FGF13: variants seen among roughly 807,000 people sequenced by gnomAD.
FGF13 encodes fibroblast growth factor 13.
Under a neutral mutation model 19.5 loss-of-function variants are expected in FGF13, and 2 were observed. That is an observed-to-expected ratio of 0.10 (90% CI 0.04 to 0.32). The LOEUF is 0.32. Among genes scored for constraint, FGF13 ranks in the 10% least tolerant of loss-of-function variants. FGF13 has a pLI of 1.00. For synonymous variants in FGF13, 72 were observed against 76.9 expected, an observed-to-expected ratio of 0.94 and a Z score of 0.33; for missense variants, 113 against 192.7, an observed-to-expected ratio of 0.59 and a Z score of 2.45.
intron 1 of FGF13, among the ~76,000 whole-genome samples, chrX:138,728,205 C>T (rs750835129): frequency 4.5e-5 from 5 of 111,224 alleles, no homozygotes; most frequent in Admixed American, 9.5e-5. Context: ...GTTTTGGCTC[C>T]GTGGGTTATA....
At chrX:139,051,814 G>T (rs1262220411) in intron 1 of FGF13, among the ~76,000 whole-genome samples, 3 of 112,051 alleles carry the variant, frequency 2.7e-5, no homozygotes, top group Non-Finnish European at 5.6e-5. Flanking sequence ...AGAGTTCAAG[G>T]TTAAGCATTA....
intron 1 of FGF13, among the ~76,000 whole-genome samples, chrX:139,187,489 CTCTT>C (rs1418493767): frequency 8.9e-6 from 1 of 111,993 alleles, no homozygotes; most frequent in Non-Finnish European, 1.9e-5. Context: ...GAAGTTATCC[CTCTT>C]TCTTGTTACT....
chrX:138,932,351 C>T (rs1287328041), intron 1 of FGF13, among the ~76,000 whole-genome samples: 3 of 111,356 alleles, frequency 2.7e-5, no homozygotes, highest in African/African-American at 9.8e-5. Flanking sequence ...GAGGCCGAGG[C>T]GGGTGGATCA....
chrX:138,732,439 T>C (rs2090239511), intron 1 of FGF13, among the ~76,000 whole-genome samples: 1 of 111,325 alleles, frequency 9.0e-6, no homozygotes, highest in Non-Finnish European at 1.9e-5. Flanking sequence ...CACAGAAAAA[T>C]AGGTGAATTT....
intron 1 of FGF13, among the ~76,000 whole-genome samples, chrX:139,113,722 G>C (rs1255623411): frequency 8.9e-6 from 1 of 111,898 alleles, no homozygotes; most frequent in African/African-American, 3.2e-5. Flanking sequence ...TGTTGAATAA[G>C]TGGTAGCATG....
At chrX:138,635,979 A>G (rs1219801981) in intron 3 of FGF13, among the ~76,000 whole-genome samples, 1 of 112,364 alleles carries the variant, frequency 8.9e-6, no homozygotes, top group Non-Finnish European at 1.9e-5. Context: ...TGAAAAGACA[A>G]GCATAAAACT....
intron 1 of FGF13, among the ~76,000 whole-genome samples, chrX:139,119,758 C>T (rs760192645): frequency 8.9e-6 from 1 of 112,515 alleles, no homozygotes; most frequent in South Asian, 3.7e-4. Context: ...AATAGTCCTT[C>T]CATAAAGCAG....
Position 138,628,273 on chromosome X carries a change from G to A in FGF13, c.*4577C>T, listed in dbSNP as rs904063793. 3.6e-5 allele frequency: 4 copies of A among 111,858 alleles called. No individual in the cohort carries two copies. Among genetic ancestry groups the A allele is most frequent in the Admixed American group, 9.5e-5 (1 of 10,523 alleles). The allele number at this position is 111,858 out of a possible 1,213,427, so 9.2% of individuals were successfully genotyped here. A position where few individuals can be genotyped will look rare whatever the true frequency, so the allele number is the denominator to read the frequency against. On this transcript the variant is annotated 3_prime_UTR_variant, in exon 5 of 5. Transcript: ENST00000315930. ...TATGAAAAGCTGTCTTTGTAAATAT[G>A]GTTAAGAATTTGAAGGGTACTAGTG... is the stretch of plus-strand genomic sequence containing the variant.
rs1341723437 is a variant in FGF13 at position 139,116,135 on chromosome X, A to G, written c.-113+87281T>C. Among the ~76,000 whole-genome samples, 3 of 112,308 alleles carry G rather than the reference A, an allele frequency of 2.7e-5. No individual in the cohort carries two copies. In the South Asian group the frequency reaches 1.1e-3, roughly 41 times the overall value. The stretch of plus-strand genomic sequence containing the variant: ...CAAATGTTCAGTTCAAGCATGTCAT[A>G]CAAAACCTATGTCTTGATTTCAATA... On this transcript the variant is annotated intron_variant, in intron 1 of 2. Coordinates refer to the FGF13 transcript ENST00000421460.
chrX:138,688,325 A>T (rs1019102803), intron 3 of FGF13, among the ~76,000 whole-genome samples: 1 of 110,859 alleles, frequency 9.0e-6, no homozygotes, highest in Non-Finnish European at 1.9e-5. Flanking sequence ...TGGGAAAAGT[A>T]GGTGGGAGGG....
At chrX:138,835,531 AT>A (rs2091106645) in intron 3 of FGF13, among the ~76,000 whole-genome samples, 1 of 111,214 alleles carries the variant, frequency 9.0e-6, no homozygotes, top group Non-Finnish European at 1.9e-5. Flanking sequence ...CCATCCCTTT[AT>A]TTTTGAGCCT....
chrX:138,893,278 T>C (rs1434445320), intron 1 of FGF13, among the ~76,000 whole-genome samples: 1 of 111,630 alleles, frequency 9.0e-6, no homozygotes, highest in Non-Finnish European at 1.9e-5. Flanking sequence ...TCTCACTCCA[T>C]TTTGGCCATT....
At chrX:138,760,900 G>A (rs2090462219) in intron 3 of FGF13, among the ~76,000 whole-genome samples, 1 of 111,585 alleles carries the variant, frequency 9.0e-6, no homozygotes, top group South Asian at 3.8e-4. Context: ...AGCTACAAGT[G>A]AAAACAAACA....
intron 3 of FGF13, among the ~76,000 whole-genome samples, chrX:138,823,265 C>A (rs373899072): frequency 7.2e-4 from 80 of 110,927 alleles, no homozygotes; most frequent in African/African-American, 2.0e-3. Flanking sequence ...GGAAGGAGTC[C>A]CCAGAGAGAC....
rs17538844 is a variant in FGF13, at chrX:138,702,474, G to A, written c.402+510C>T. Among the ~76,000 whole-genome samples, 613 of 111,803 alleles carry A rather than the reference G, an allele frequency of 5.5e-3. 9 individuals carry two copies. The highest frequency in any genetic ancestry group is 0.019 in the African/African-American group (589 of 30,835). ...AGACAAGCAGGAATTTATAGGTAAG[G>A]AAAGGTTAAATAGTGCTTATATTTA... On this transcript the variant is annotated intron_variant, in intron 3 of 4. Transcript: ENST00000315930.
intron 3 of FGF13, among the ~76,000 whole-genome samples, chrX:138,811,373 C>T (rs1335085247): frequency 9.0e-6 from 1 of 110,572 alleles, no homozygotes; most frequent in African/African-American, 3.3e-5. Flanking sequence ...CATGTTCTCA[C>T]TTGTAGGTGG....
At chrX:138,946,170 A>G (rs1339231285) in intron 1 of FGF13, among the ~76,000 whole-genome samples, 1 of 111,628 alleles carries the variant, frequency 9.0e-6, no homozygotes, top group Non-Finnish European at 1.9e-5. Context: ...AGAGTTATCA[A>G]TTGTGACAAT....
chrX:139,085,044 G>A (rs989663961), intron 1 of FGF13, among the ~76,000 whole-genome samples: 48 of 111,802 alleles, frequency 4.3e-4, no homozygotes, highest in African/African-American at 1.4e-3. Context: ...CAGTTCCACA[G>A]AAATTAACTA....
At chrX:139,168,235 C>A (rs1230708950) in intron 1 of FGF13, among the ~76,000 whole-genome samples, 1 of 111,809 alleles carries the variant, frequency 8.9e-6, no homozygotes, top group African/African-American at 3.2e-5. Flanking sequence ...TAATAAGGTG[C>A]AGGTTTGGGT....
Sources: allele counts gnomAD v4.1 joint callset (sites outside exome capture counted in the v4.1 genomes callset), GRCh38; gene constraint gnomAD v4.1.1; transcripts MANE v1.5; gene names NCBI Gene and HGNC (gene_info 2026-07-23, HGNC 2026-07-21).